Variants in CALN1 observed in about 807,000 individuals in gnomAD.
CALN1 encodes calneuron 1.
A neutral mutation model predicts 30.6 loss-of-function variants in CALN1; 17 were observed. The ratio of observed to expected loss-of-function variants is 0.56; its 90% CI spans 0.38 to 0.83. The LOEUF is 0.83. Among genes scored for constraint, CALN1 ranks in the 40% least tolerant of loss-of-function variants. CALN1 has a pLI of 0.00. For missense variants in CALN1, 291 were observed against 354.9 expected (o/e 0.82, Z 1.45); for synonymous variants, 156 against 131.4 (o/e 1.19, Z -1.28).
chr7:72,187,486 A>T (rs1257579955), intron 3 of CALN1, among the ~76,000 whole-genome samples: 14 of 152,120 alleles, frequency 9.2e-5, no homozygotes, highest in Admixed American at 9.2e-4. Context: ...GTGGCATTAG[A>T]TTCTCATAGG....
chr7:71,886,005 C>G (rs969437655), intron 5 of CALN1, among the ~76,000 whole-genome samples: 3 of 152,208 alleles, frequency 2.0e-5, no homozygotes, highest in African/African-American at 4.8e-5. Flanking sequence ...ACATATCCAC[C>G]ATTTTAACAT....
intron 5 of CALN1, among the ~76,000 whole-genome samples, chr7:71,950,919 T>C (rs1012335488): frequency 6.6e-6 from 1 of 152,210 alleles, no homozygotes; most frequent in Non-Finnish European, 1.5e-5. Flanking sequence ...CTCCACCCTG[T>C]CATTCCTTTC....
intron 3 of CALN1, among the ~76,000 whole-genome samples, chr7:72,269,134 A>G (rs958707247): frequency 6.6e-6 from 1 of 152,180 alleles, no homozygotes; most frequent in Non-Finnish European, 1.5e-5. Flanking sequence ...CAGAGAGGGA[A>G]CATCAGAAGC....
At chr7:72,325,995 G>A (rs534643869) in intron 2 of CALN1, among the ~76,000 whole-genome samples, 100 of 152,242 alleles carry the variant, frequency 6.6e-4, no homozygotes, top group African/African-American at 2.3e-3. Context: ...TCCACCTCCC[G>A]GGTTCAAGCG....
intron 4 of CALN1, among the ~76,000 whole-genome samples, chr7:72,049,811 TTC>T (rs199769633): frequency 0.23 from 26,163 of 115,120 alleles, 3,171 homozygotes; most frequent in East Asian, 0.55. Flanking sequence ...CCAAGTCTAT[TTC>T]TTTTTTTTTT....
chr7:72,335,682 G>A (rs1054658281), intron 2 of CALN1, among the ~76,000 whole-genome samples: 3 of 152,218 alleles, frequency 2.0e-5, no homozygotes, highest in African/African-American at 7.2e-5. Flanking sequence ...AGGAGCTACG[G>A]GCTTCGACCC....
intron 2 of CALN1, among the ~76,000 whole-genome samples, chr7:72,313,818 G>A (rs145590695): frequency 7.9e-5 from 12 of 152,314 alleles, no homozygotes; most frequent in African/African-American, 2.9e-4. Flanking sequence ...GAACAGAGAG[G>A]CAAGGGAGAT....
chr7:72,344,885 T>C (rs896976718), intron 2 of CALN1, among the ~76,000 whole-genome samples: 1 of 147,558 alleles, frequency 6.8e-6, no homozygotes, highest in East Asian at 1.9e-4. Context: ...AATATATAAA[T>C]AGCATATATT....
At chr7:72,193,651 T>C (rs1790781943) in intron 3 of CALN1, among the ~76,000 whole-genome samples, 1 of 152,244 alleles carries the variant, frequency 6.6e-6, no homozygotes, top group Non-Finnish European at 1.5e-5. Flanking sequence ...CTGGATTGAA[T>C]ACTGTAGGCA....
intron 1 of CALN1, among the ~76,000 whole-genome samples, chr7:72,436,581 G>A (rs531498568): frequency 4.4e-4 from 67 of 151,910 alleles, no homozygotes; most frequent in African/African-American, 1.5e-3. Context: ...TCTTGGGCCT[G>A]GCAGCTGGCC....
At chr7:72,431,668 C>A (rs1484405352) in intron 1 of CALN1, among the ~76,000 whole-genome samples, 1 of 152,102 alleles carries the variant, frequency 6.6e-6, no homozygotes, top group Admixed American at 6.5e-5. Context: ...GTGAGAGAGA[C>A]CTCGTCTCTA....
intron 5 of CALN1, among the ~76,000 whole-genome samples, chr7:71,994,844 C>A (rs1436298733): frequency 6.8e-6 from 1 of 147,648 alleles, no homozygotes; most frequent in East Asian, 2.0e-4. Flanking sequence ...CCTGGCTGCC[C>A]CTTCCTATTT....
chr7:71,968,746 T>G (rs1223540469), intron 5 of CALN1, among the ~76,000 whole-genome samples: 1 of 150,206 alleles, frequency 6.7e-6, no homozygotes, highest in African/African-American at 2.4e-5. Context: ...ATAAGTTTTA[T>G]CAAAATACAT....
At chr7:72,475,604 A>C in the CALN1 span, among the ~76,000 whole-genome samples, 5 of 152,160 alleles carry the variant, frequency 3.3e-5, no homozygotes, top group Non-Finnish European at 7.4e-5. Context: ...TACTTTTCAC[A>C]CTGCTCTGTG....
chr7:72,256,959 C>T (rs1795954271), intron 3 of CALN1, among the ~76,000 whole-genome samples: 1 of 152,114 alleles, frequency 6.6e-6, no homozygotes, highest in Non-Finnish European at 1.5e-5. Flanking sequence ...ATTATATTCC[C>T]CACTGTATTA....
chr7:72,018,952 T>G (rs933917336), intron 5 of CALN1, among the ~76,000 whole-genome samples: 13 of 152,156 alleles, frequency 8.5e-5, no homozygotes, highest in Admixed American at 3.3e-4. Flanking sequence ...TTCTCATGCT[T>G]CAGCCTCCTG....
At chr7:72,094,819 G>A (rs1806108831) in intron 4 of CALN1, among the ~76,000 whole-genome samples, 1 of 152,176 alleles carries the variant, frequency 6.6e-6, no homozygotes, top group Admixed American at 6.5e-5. Context: ...CCTAAAGACT[G>A]TCTTCAATTC....
intron 5 of CALN1, among the ~76,000 whole-genome samples, chr7:71,993,214 CCT>C (rs1035024517): frequency 1.3e-5 from 2 of 152,116 alleles, no homozygotes; most frequent in African/African-American, 4.8e-5. Context: ...ATATCACCAG[CCT>C]CTGTTGCCAC....
At chr7:72,362,287 A>T (rs1803619022) in intron 2 of CALN1, among the ~76,000 whole-genome samples, 1 of 152,200 alleles carries the variant, frequency 6.6e-6, no homozygotes, top group East Asian at 1.9e-4. Context: ...ATACGCCCAC[A>T]TGGCCACCTC....
Sources: allele counts gnomAD v4.1 joint callset (sites outside exome capture counted in the v4.1 genomes callset), GRCh38; gene constraint gnomAD v4.1.1; transcripts MANE v1.5; gene names NCBI Gene and HGNC (gene_info 2026-07-23, HGNC 2026-07-21).